The following B4GALT6 variants were observed in gnomAD, a reference collection of about 807,000 sequenced individuals.
B4GALT6 encodes UDP-Gal:beta-GlcNAc beta-1,4-galactosyltransferase 6.
Under a neutral mutation model 46.3 loss-of-function variants are expected in B4GALT6, and 14 were observed. The observed-to-expected ratio is 0.30, with a 90% CI of 0.20 to 0.47. The LOEUF is 0.47. B4GALT6 is among the 20% of genes least tolerant of loss of function. The pLI is 0.99. For missense variants in B4GALT6, 386 were observed against 480.1 expected, an observed-to-expected ratio of 0.80 and a Z score of 1.83; for synonymous variants, 168 against 162.0, an observed-to-expected ratio of 1.04 and a Z score of -0.28.
At chr18:31,676,141 T>C (rs1376996034) in intron 1 of B4GALT6, among the ~76,000 whole-genome samples, 6 of 152,110 alleles carry the variant, frequency 3.9e-5, no homozygotes, top group African/African-American at 7.2e-5. Flanking sequence ...AAACTGAAAA[T>C]TGCACTATAA....
chr18:31,625,645 A>G lies in B4GALT6; in HGVS notation c.1118T>C (p.Met373Thr). 1.2e-6 allele frequency: 2 copies of G among 1,613,450 alleles called. No individual in the cohort carries two copies. The highest frequency in any genetic ancestry group is 1.7e-6 in the Non-Finnish European group (2 of 1,179,738). ...RLYTNISVNL[M>T]PELAPIEDY is the part of the protein sequence containing the mutation. ...GTCTTCGATTGGAGCTAACTCTGGC[A>G]TGAGGTTTACAGATATGTTTGTATA... Residue 373 changes from methionine to threonine, a missense_variant, in exon 9 of 9, where the codon ATG (methionine) becomes ACG (threonine). Physicochemically the swap from Met to Thr is moderately conservative, Grantham distance 81. Around this residue, in one of 2 missense-constraint regions of B4GALT6, gnomAD observed 323 missense variants for 438.9 expected, o/e 0.74. Transcript: ENST00000306851.
chr18:31,710,814 C>CACACACACA, the B4GALT6 span, among the ~76,000 whole-genome samples: 1 of 140,124 alleles, frequency 7.1e-6, no homozygotes, highest in African/African-American at 2.6e-5. Context: ...CCTGAATACA[C>CACACACACA]CACACACACA....
chr18:31,639,386 G>C (rs1481621276), intron 4 of B4GALT6, among the ~76,000 whole-genome samples: 1 of 152,002 alleles, frequency 6.6e-6, no homozygotes, highest in African/African-American at 2.4e-5. Context: ...CTTACACATG[G>C]TTTCTCTGTC....
chr18:31,636,811 ATTTATTTTTATT>A (rs199614445), intron 5 of B4GALT6, among the ~76,000 whole-genome samples: 3 of 152,188 alleles, frequency 2.0e-5, no homozygotes, highest in Admixed American at 2.0e-4. Context: ...CTTTTTTTCA[ATTTATTTTTATT>A]TTTATTTTTA....
intron 1 of B4GALT6, among the ~76,000 whole-genome samples, chr18:31,683,229 A>G (rs1244096181): frequency 6.6e-6 from 1 of 152,206 alleles, no homozygotes; most frequent in Non-Finnish European, 1.5e-5. Context: ...GCAATAATCT[A>G]CTACACTCAA....
chr18:31,628,126 A>G (rs2073725612), intron 6 of B4GALT6, among the ~76,000 whole-genome samples: 1 of 152,214 alleles, frequency 6.6e-6, no homozygotes. Flanking sequence ...ATGGAAGCCT[A>G]GGGTTGTAGG....
chr18:31,692,051 G>T, the B4GALT6 span, among the ~76,000 whole-genome samples: 8 of 151,770 alleles, frequency 5.3e-5, no homozygotes, highest in Admixed American at 1.3e-4. Context: ...AACATATTAG[G>T]TCAAAGAAAA....
the B4GALT6 span, among the ~76,000 whole-genome samples, chr18:31,702,112 A>C: frequency 6.6e-6 from 1 of 152,220 alleles, no homozygotes; most frequent in Non-Finnish European, 1.5e-5. Context: ...TTAAAATGGC[A>C]ATAAGATACT....
chr18:31,640,892 A>G (rs758304483), intron 4 of B4GALT6, among the ~76,000 whole-genome samples: 3 of 152,262 alleles, frequency 2.0e-5, no homozygotes, highest in Non-Finnish European at 4.4e-5. Context: ...TTTAGGATGG[A>G]AAAGTGCTAT....
intron 4 of B4GALT6, among the ~76,000 whole-genome samples, chr18:31,639,819 T>C (rs992655990): frequency 6.6e-6 from 1 of 152,190 alleles, no homozygotes; most frequent in East Asian, 1.9e-4. Context: ...ACCATTTATA[T>C]AAAATGTTTT....
the B4GALT6 span, among the ~76,000 whole-genome samples, chr18:31,696,716 C>T: frequency 6.6e-6 from 1 of 152,152 alleles, no homozygotes; most frequent in Non-Finnish European, 1.5e-5. Context: ...AGGTTTTACC[C>T]ATTTCTCTTC....
chr18:31,627,477 G>A (rs1057034515), intron 6 of B4GALT6, among the ~76,000 whole-genome samples: 11 of 152,108 alleles, frequency 7.2e-5, no homozygotes, highest in African/African-American at 2.7e-4. Flanking sequence ...GTCAATGCAT[G>A]TCAGATGTTC....
rs1027214706 is a variant in B4GALT6, at chr18:31,647,484, C to G, written c.347-2005G>C. ...GGGTTGTGCACCTCCCCCACCCCAT[C>G]CACACCCCTCAGAGTCCATCAGGAG... On this transcript the variant is annotated intron_variant, in intron 3 of 8. Transcript: ENST00000306851. 9.2e-5 allele frequency among the ~76,000 whole-genome samples: 14 copies of G among 152,292 alleles called. No individual in the cohort carries two copies. The South Asian group carries it at 2.9e-3, about 32-fold the overall frequency.
At chr18:31,640,854 A>T (rs1030328709) in intron 4 of B4GALT6, among the ~76,000 whole-genome samples, 1 of 152,238 alleles carries the variant, frequency 6.6e-6, no homozygotes, top group Non-Finnish European at 1.5e-5. Flanking sequence ...GAATCAAAAC[A>T]ACTGTGAAGC....
upstream of B4GALT6, among the ~76,000 whole-genome samples, chr18:31,688,476 T>A (rs2030006443): frequency 6.6e-6 from 1 of 151,948 alleles, no homozygotes; most frequent in Non-Finnish European, 1.5e-5. Flanking sequence ...TCTATATATA[T>A]GAAATAATAT....
At position 31,625,599 on chromosome 18, in the gene B4GALT6, C is replaced by A. The variant is rs375568606; in HGVS notation, c.*15G>T. On this transcript the variant is annotated 3_prime_UTR_variant, in exon 9 of 9. Transcript: ENST00000306851. ...TCCAGCATTGTGGTCTACCTTGCCA[C>A]GACAGCCACTTCTTTTAATAGTCTT... 2.4e-5 allele frequency: 39 copies of A among 1,613,254 alleles called. No individual in the cohort carries two copies. The highest frequency in any genetic ancestry group is 2.9e-5 in the Non-Finnish European group (34 of 1,179,766).
intron 4 of B4GALT6, among the ~76,000 whole-genome samples, chr18:31,641,387 G>A (rs1034177338): frequency 3.9e-5 from 6 of 152,204 alleles, no homozygotes; most frequent in African/African-American, 1.2e-4. Flanking sequence ...AAATTTTAAT[G>A]AGAGGGTTAT....
chr18:31,667,328 C>T (rs191774397), intron 1 of B4GALT6, among the ~76,000 whole-genome samples: 3 of 152,286 alleles, frequency 2.0e-5, no homozygotes, highest in East Asian at 3.9e-4. Flanking sequence ...CAGAGGCTCA[C>T]TATCATGGCA....
the B4GALT6 span, among the ~76,000 whole-genome samples, chr18:31,709,546 G>GTT: frequency 8.0e-6 from 1 of 124,474 alleles, no homozygotes; most frequent in Non-Finnish European, 1.6e-5. Context: ...GGATCAATAG[G>GTT]ATATATATGT....
Sources: gnomAD v4.1 joint callset for allele counts (sites outside exome capture counted in the v4.1 genomes callset) on GRCh38, gnomAD v4.1.1 for gene constraint, gnomAD v4.1.1 regional missense constraint, MANE v1.5 for transcripts, NCBI Gene and HGNC (gene_info 2026-07-23, HGNC 2026-07-21) for gene names.